ANO7: variants seen among roughly 807,000 people sequenced by gnomAD.
ANO7 encodes the protein anoctamin 7.
ANO7 carries 114 observed loss-of-function variants against 115.8 expected under a neutral mutation model. The observed-to-expected ratio is 0.98, with a 90% CI of 0.85 to 1.15. The LOEUF (loss-of-function observed/expected upper bound fraction) is 1.15. ANO7 is among the 50% of genes most tolerant of loss of function. The pLI, the probability that ANO7 is intolerant of heterozygous loss-of-function variation, is 0.00. For synonymous variants in ANO7, 550 were observed against 498.2 expected, an observed-to-expected ratio of 1.10 and a Z score of -1.38; for missense variants, 1,302 against 1,201.2, an observed-to-expected ratio of 1.08 and a Z score of -1.24.
Position 241,216,139 on chromosome 2 carries a change from A to G in ANO7, c.1873A>G (p.Arg625Gly). Residue 625 changes from arginine to glycine, a missense_variant, in exon 19 of 25, where the codon AGG (arginine) becomes GGG (glycine). By Grantham distance (125) the Arg-to-Gly change is moderately radical (BLOSUM62 -2). Coordinates refer to ENST00000674324, the MANE Select transcript of ANO7 (RefSeq NM_001370694.2). ...GAAGTTCCGGCTTCGCTCCAAGAAG[A>G]GGAAGGCGGGAGCTTCTGCAGGGGC... ...WQKFRLRSKKRKAGASAGASQ... is the reference protein window; with the variant it reads ...WQKFRLRSKKGKAGASAGASQ... 6.2e-7 allele frequency: 1 copy of G among 1,613,194 alleles called. No individual in the cohort carries two copies. Among genetic ancestry groups the G allele is most frequent in the Non-Finnish European group, 8.5e-7 (1 of 1,179,854 alleles).
intron 17 of ANO7, among the ~76,000 whole-genome samples, chr2:241,213,119 A>ATGGCACACGGCCCGCAGG (rs2068751937): frequency 7.2e-6 from 1 of 138,914 alleles, no homozygotes; most frequent in African/African-American, 2.6e-5. Context: ...AGGCCCGCAG[A>ATGGCACACGGCCCGCAGG]GGCTGGCCTC....
intron 3 of ANO7, among the ~76,000 whole-genome samples, chr2:241,193,911 C>G (rs1232798153): frequency 2.6e-5 from 4 of 152,202 alleles, no homozygotes; most frequent in African/African-American, 9.7e-5. Context: ...GAGTTTCGCT[C>G]TTGTTGCCCA....
At chr2:241,226,838 C>G (rs1393411425), downstream of ANO7, among the ~76,000 whole-genome samples, 1 of 152,184 alleles carries the variant, frequency 6.6e-6, no homozygotes, top group Non-Finnish European at 1.5e-5. Flanking sequence ...TCCTGCCACT[C>G]AGGTGACTGG....
the ANO7 span, among the ~76,000 whole-genome samples, chr2:241,239,151 ACT>A: frequency 1.3e-4 from 19 of 151,908 alleles, no homozygotes; most frequent in African/African-American, 4.1e-4. The surrounding 1 kb of genome is among the most constrained non-coding windows in gnomAD (Gnocchi z 4.6). Flanking sequence ...TGGAGGGGAC[ACT>A]CTCTAAAGAC....
downstream of ANO7, among the ~76,000 whole-genome samples, chr2:241,226,494 G>A (rs905645093): frequency 3.3e-5 from 5 of 151,378 alleles, no homozygotes; most frequent in Non-Finnish European, 5.9e-5. Context: ...GTACGATCTC[G>A]GCTCACTGCA....
At chr2:241,202,605 G>A (rs551190789) in intron 8 of ANO7, among the ~76,000 whole-genome samples, 1 of 152,324 alleles carries the variant, frequency 6.6e-6, no homozygotes, top group South Asian at 2.1e-4. Context: ...TCTCTTGCTG[G>A]GAAAGACAGT....
chr2:241,221,008 T>G (rs1404292523), intron 21 of ANO7, among the ~76,000 whole-genome samples: 3 of 151,862 alleles, frequency 2.0e-5, no homozygotes, highest in Non-Finnish European at 4.4e-5. Context: ...AGCACTACCT[T>G]TACAGATGCC....
chr2:241,221,688 T>G (rs1190737850), intron 21 of ANO7, among the ~76,000 whole-genome samples: 1 of 151,906 alleles, frequency 6.6e-6, no homozygotes, highest in Non-Finnish European at 1.5e-5. Flanking sequence ...TTTCTTTTTT[T>G]TCTTTTGAGA....
At chr2:241,240,274 G>C in the ANO7 span, 1 of 707,746 alleles carries the variant, frequency 1.4e-6, no homozygotes, top group Admixed American at 2.1e-5. This position sits in a 1 kb window ranked among gnomAD's most constrained non-coding sequence, Gnocchi z 5.5. Context: ...AATGGGGCTA[G>C]CACACCTCAC....
intron 3 of ANO7, among the ~76,000 whole-genome samples, chr2:241,192,495 G>C (rs544647478): frequency 1.1e-4 from 16 of 152,094 alleles, no homozygotes; most frequent in Non-Finnish European, 2.2e-4. Flanking sequence ...CACCCCCGGG[G>C]TCTCTTCCTC....
intron 4 of ANO7, among the ~76,000 whole-genome samples, chr2:241,198,432 T>A (rs1267299651): frequency 6.6e-6 from 1 of 152,198 alleles, no homozygotes; most frequent in Non-Finnish European, 1.5e-5. Context: ...CCCATGAGTT[T>A]TCAAGGTCAT....
At chr2:241,194,786 G>A (rs1248825286) in intron 3 of ANO7, among the ~76,000 whole-genome samples, 4 of 152,154 alleles carry the variant, frequency 2.6e-5, no homozygotes, top group Non-Finnish European at 5.9e-5. Context: ...AGGTATGTAC[G>A]TATTATAGGT....
At chr2:241,228,966 G>A (rs895071298), downstream of ANO7, 3 of 153,036 alleles carry the variant, frequency 2.0e-5, no homozygotes, top group African/African-American at 7.2e-5. Flanking sequence ...AGGGACCCTT[G>A]GTGCTTTCAG....
chr2:241,233,707 C>T, the ANO7 span: 5 of 1,176,738 alleles, frequency 4.2e-6, no homozygotes, highest in African/African-American at 7.7e-5. The surrounding 1 kb of genome is among the most constrained non-coding windows in gnomAD (Gnocchi z 4.3). Flanking sequence ...AGACTTGCCA[C>T]TCTCAACTTG....
Position 241,203,460 on chromosome 2 carries a change from A to G in ANO7, c.851A>G (p.Tyr284Cys). 1 of 1,568,064 alleles carries G rather than the reference A, an allele frequency of 6.4e-7. No homozygotes were observed. Among genetic ancestry groups the G allele is most frequent in the Non-Finnish European group, 8.6e-7 (1 of 1,158,040 alleles). Residue 284 changes from tyrosine (Y) to cysteine (C), a missense_variant, in exon 9 of 25, where the codon TAC becomes TGC. By Grantham distance (194) the Tyr-to-Cys change is radical. Coordinates refer to ENST00000674324, the MANE Select transcript of ANO7 (RefSeq NM_001370694.2). This position sits in a 1 kb window ranked among gnomAD's most constrained non-coding sequence, Gnocchi z 4.8. ...CAGCCCCTGGACCACGTGCGCAGGT[A>G]CTTCGGGGAGAAGGTGGCCCTCTAC... ...KYQPLDHVRR[Y>C]FGEKVALYFA...
chr2:241,226,162 T>G (rs752561616), downstream of ANO7, among the ~76,000 whole-genome samples: 88 of 151,878 alleles, frequency 5.8e-4, no homozygotes, highest in Non-Finnish European at 1.1e-3. Context: ...GATGCCCACA[T>G]GCGCCCTACC....
intron 17 of ANO7, among the ~76,000 whole-genome samples, chr2:241,214,286 T>TGATC (rs1347679081): frequency 1.3e-5 from 2 of 152,212 alleles, no homozygotes; most frequent in African/African-American, 4.8e-5. Flanking sequence ...TAGGTATGAA[T>TGATC]GATCCAGGTG....
intron 2 of ANO7, among the ~76,000 whole-genome samples, chr2:241,190,425 A>AG (rs1369002074): frequency 6.6e-6 from 1 of 152,154 alleles, no homozygotes; most frequent in Admixed American, 6.5e-5. Flanking sequence ...CAGGAGGGTA[A>AG]GGGGGGCCTG....
intron 4 of ANO7, among the ~76,000 whole-genome samples, chr2:241,198,323 G>A (rs1299998510): frequency 1.3e-5 from 2 of 152,172 alleles, no homozygotes; most frequent in Admixed American, 1.3e-4. Context: ...AGAGCTAACA[G>A]CCACCCCACT....
Sources: gnomAD v4.1 joint callset for allele counts (sites outside exome capture counted in the v4.1 genomes callset) on GRCh38, gnomAD v4.1.1 for gene constraint, Gnocchi (gnomAD v3.1) non-coding constraint, MANE v1.5 for transcripts, NCBI Gene and HGNC (gene_info 2026-07-23, HGNC 2026-07-21) for gene names.